WDR33: variants seen among roughly 807,000 people sequenced by gnomAD.
The protein encoded by WDR33 is WD repeat domain 33.
A neutral mutation model predicts 164.9 loss-of-function variants in WDR33; 47 were observed. That is an observed-to-expected ratio of 0.29 (90% CI 0.23 to 0.36). The LOEUF is 0.36. Among genes scored for constraint, WDR33 ranks in the 10% least tolerant of loss-of-function variants. The probability of loss-of-function intolerance (pLI) is 1.00; values close to 1 mark genes in which losing one functional copy is unlikely to be tolerated. For synonymous variants in WDR33, 505 were observed against 589.0 expected (o/e 0.86, Z 2.06); for missense variants, 1,137 against 1,754.1 (o/e 0.65, Z 6.28).
At chr2:127,794,930 G>A (rs13394821) in intron 1 of WDR33, among the ~76,000 whole-genome samples, 3,245 of 151,590 alleles carry the variant, frequency 0.021, 156 homozygotes, top group African/African-American at 0.076. Context: ...AGGCTGAGGC[G>A]GGAGGATCAC....
intron 3 of WDR33, 73 bp downstream of exon 3, chr2:127,768,855 TTGAAG>T: frequency 1.8e-5 from 19 of 1,059,176 alleles, no homozygotes; most frequent in Non-Finnish European, 2.7e-5. Flanking sequence ...CATTTTGGAC[TTGAAG>T]TCACACAGTG....
At position 127,720,182 on chromosome 2, in the gene WDR33, C is replaced by T. The variant is rs1363308139; in HGVS notation, c.1843G>A (p.Ala615Thr). 1.2e-6 allele frequency: 2 copies of T among 1,613,056 alleles called. No individual in the cohort carries two copies. The highest frequency in any genetic ancestry group is 1.1e-5 in the South Asian group (1 of 90,892). Residue 615 changes from alanine to threonine, a missense_variant, in exon 16 of 22, where the codon GCT (alanine) becomes ACT (threonine). Ala to Thr is a moderately conservative substitution (Grantham distance 58). Coordinates refer to ENST00000322313, the MANE Select transcript of WDR33 (RefSeq NM_018383.5). The surrounding 1 kb of genome is among the most constrained non-coding windows in gnomAD (Gnocchi z 5.9). ...TGTGGACCTGGAGGCCCCATTTGAG[C>T]CATGTTCATTGGCATCTGCTGAGAT... Reference protein sequence around the residue: ...HPSQQMPMNMAQMGPPGPQGQ... With the variant: ...HPSQQMPMNMTQMGPPGPQGQ...
chr2:127,765,968 T>A (rs1233818189), intron 4 of WDR33, among the ~76,000 whole-genome samples: 1 of 152,154 alleles, frequency 6.6e-6, no homozygotes, highest in African/African-American at 2.4e-5. Flanking sequence ...GGAATGACTA[T>A]GCCAATAACT....
Position 127,701,562 on chromosome 2 carries a change from C to T in WDR33, c.*4761G>A. The T allele has an allele frequency of 3.7e-6, 5 of 1,368,982 alleles. No homozygotes were observed. The highest frequency in any genetic ancestry group is 2.8e-4 in the Middle Eastern group (1 of 3,610). The allele number at this position is 1,368,982 out of a possible 1,614,324, so 84.8% of individuals were successfully genotyped here. A position where few individuals can be genotyped will look rare whatever the true frequency, so the allele number is the denominator to read the frequency against. ...CCTCCACCGCCAGCTGCAGGAGTAC[C>T]TGGCGCAGGGGAAAGCTGGCGGCCC... On this transcript the variant is annotated 3_prime_UTR_variant, in exon 22 of 22. Transcript: ENST00000322313.
At chr2:127,796,074 A>ATTTT (rs11325131) in intron 1 of WDR33, among the ~76,000 whole-genome samples, 1 of 139,390 alleles carries the variant, frequency 7.2e-6, no homozygotes, top group Non-Finnish European at 1.6e-5. Flanking sequence ...ATTACTGTTA[A>ATTTT]TTTTTTTTTT....
chr2:127,779,169 T>TAAA (rs70985476), intron 1 of WDR33, among the ~76,000 whole-genome samples: 13,072 of 146,274 alleles, frequency 0.089, 699 homozygotes, highest in South Asian at 0.2. Context: ...TTTTAATAAT[T>TAAA]AAAAAAAAAA....
At chr2:127,807,891 G>A (rs1385789742) in intron 1 of WDR33, among the ~76,000 whole-genome samples, 1 of 152,210 alleles carries the variant, frequency 6.6e-6, no homozygotes, top group African/African-American at 2.4e-5. Flanking sequence ...CTTGAGCCTA[G>A]GAATTAGAGG....
In WDR33 at chr2:127,709,388, T is replaced by A; in HGVS notation, c.3565+102A>T. 1 of 1,120,120 alleles carries A rather than the reference T, an allele frequency of 8.9e-7. No homozygotes were observed. Among genetic ancestry groups the A allele is most frequent in the Non-Finnish European group, 1.3e-6 (1 of 749,042 alleles). The allele number at this position is 1,120,120 out of a possible 1,614,324, so 69.4% of individuals were successfully genotyped here. On this transcript the variant is annotated intron_variant, in intron 20 of 21. Transcript: ENST00000322313. This position sits in a 1 kb window ranked among gnomAD's most constrained non-coding sequence, Gnocchi z 5.0. ...AGACAGCCCAGCCCCCCGGGAGACA[T>A]GAGCTGGAAAGAGGAGACCCGGTGC...
In WDR33 at chr2:127,706,055, TAAAAAAA is replaced by T. The variant is rs570651272; in HGVS notation, c.*261_*267del. 1.9e-5 allele frequency: 7 copies of T among 377,066 alleles called. No individual in the cohort carries two copies. The highest frequency in any genetic ancestry group is 3.8e-5 in the East Asian group (1 of 26,184). 23.4% of individuals were successfully genotyped at this position (377,066 alleles called of 1,614,324 possible). A position where few individuals can be genotyped will look rare whatever the true frequency, so the allele number is the denominator to read the frequency against. ...GAGATGCCCCATGTCTTGTGAGACT[TAAAAAAA>T]AGAAAAAGATCCCAGCTTTTATCTT... On this transcript the variant is annotated 3_prime_UTR_variant, in exon 22 of 22. Coordinates refer to ENST00000322313, the MANE Select transcript of WDR33 (RefSeq NM_018383.5). The surrounding 1 kb of genome is among the most constrained non-coding windows in gnomAD (Gnocchi z 5.1).
At chr2:127,792,431 C>T (rs549304710) in intron 1 of WDR33, among the ~76,000 whole-genome samples, 26 of 151,560 alleles carry the variant, frequency 1.7e-4, no homozygotes, top group Non-Finnish European at 3.2e-4. Context: ...GAGGCTGAGG[C>T]GGGCAGATCA....
chr2:127,713,919 C>A lies in WDR33; in HGVS notation c.2972G>T (p.Arg991Leu), dbSNP rs558353802. Residue 991 changes from arginine to leucine, a missense_variant, in exon 18 of 22, where the codon CGG becomes CTG. Physicochemically the swap from Arg to Leu is moderately radical, Grantham distance 102. Around this residue, in one of 9 missense-constraint regions of WDR33, gnomAD observed 867 missense variants for 1,073.0 expected, o/e 0.81. Coordinates refer to ENST00000322313, the MANE Select transcript of WDR33 (RefSeq NM_018383.5). The surrounding 1 kb of genome is among the most constrained non-coding windows in gnomAD (Gnocchi z 6.2). The part of the protein sequence containing the change: ...PEHGPERGPF[R>L]GGQDCRGPPD... ...GGGACCCCTGCAGTCCTGGCCACCC[C>A]GGAAAGGCCCCCTCTCGGGCCCATG... 1 of 1,610,440 alleles carries A rather than the reference C, an allele frequency of 6.2e-7. No homozygotes were observed. The highest frequency in any genetic ancestry group is 8.5e-7 in the Non-Finnish European group (1 of 1,178,000).
rs546174820 is a variant in WDR33, at chr2:127,704,617, TAAAA to T, written c.*1702_*1705del. ...ATTAAATAAGCTGTAATTTCAAAGTTAAAAAAAAAATAGTCTCTAGATTCTAACA... is the reference window on the plus strand; with the variant it reads ...ATTAAATAAGCTGTAATTTCAAAGTTAAAAAATAGTCTCTAGATTCTAACA... On this transcript the variant is annotated 3_prime_UTR_variant, in exon 22 of 22. Coordinates refer to ENST00000322313, the MANE Select transcript of WDR33 (RefSeq NM_018383.5). 2.5e-5 allele frequency: 4 copies of T among 162,552 alleles called. No individual in the cohort carries two copies. The highest frequency in any genetic ancestry group is 4.5e-5 in the Non-Finnish European group (3 of 67,282). The allele number at this position is 162,552 out of a possible 1,614,324, so 10.1% of individuals were successfully genotyped here. A position where few individuals can be genotyped will look rare whatever the true frequency, so the allele number is the denominator to read the frequency against.
chr2:127,779,286 G>A (rs1353178280), intron 1 of WDR33, among the ~76,000 whole-genome samples: 2 of 151,964 alleles, frequency 1.3e-5, no homozygotes, highest in Non-Finnish European at 2.9e-5. Context: ...TGGCTAATAT[G>A]GTGAAACCCC....
rs1469830219 is a variant in WDR33, at chr2:127,735,131, A to C, written c.725-8354T>G. On this transcript the variant is annotated intron_variant, in intron 7 of 21. Transcript: ENST00000322313. This position sits in a 1 kb window ranked among gnomAD's most constrained non-coding sequence, Gnocchi z 4.3. ...GTCCCAGAACCGTAAAGTGTAGTGCAGTGAAGGCTAGAACCAGTAAGGGCA... is the reference window on the plus strand; with the variant it reads ...GTCCCAGAACCGTAAAGTGTAGTGCCGTGAAGGCTAGAACCAGTAAGGGCA... 6.6e-6 allele frequency among the ~76,000 whole-genome samples: 1 copy of C among 152,234 alleles called. No individual in the cohort carries two copies. The highest frequency in any genetic ancestry group is 1.5e-5 in the Non-Finnish European group (1 of 68,038).
rs1688863867 is a variant in WDR33, at chr2:127,792,175, G to A, written c.-24+18837C>T. Among the ~76,000 whole-genome samples the A allele has an allele frequency of 1.3e-5, 2 of 151,432 alleles. 1 individual carries two copies. Among genetic ancestry groups the A allele is most frequent in the South Asian group, 4.2e-4 (2 of 4,802 alleles). ...GCTGGTCTCGAACTCCGGACCTCAG[G>A]TGATCCACCCGCCTCAGCCTCCCAA... On this transcript the variant is annotated intron_variant, in intron 1 of 21. Transcript: ENST00000322313.
chr2:127,702,393 A>C lies in WDR33; in HGVS notation c.*3930T>G. 3.0e-6 allele frequency: 1 copy of C among 335,246 alleles called. No individual in the cohort carries two copies. The highest frequency in any genetic ancestry group is 5.7e-5 in the East Asian group (1 of 17,596). The allele number at this position is 335,246 out of a possible 1,614,324, so 20.8% of individuals were successfully genotyped here. On this transcript the variant is annotated 3_prime_UTR_variant, in exon 22 of 22. Coordinates refer to ENST00000322313, the MANE Select transcript of WDR33 (RefSeq NM_018383.5). ...CAGCTTTTTGTGCTGGACTTGGCAC[A>C]CGCTCTGAAAACTGAGATTTTGTCA... is the stretch of plus-strand genomic sequence containing the variant.
In WDR33 at chr2:127,763,354, T is replaced by C. The variant is rs894496949; in HGVS notation, c.627-195A>G. On this transcript the variant is annotated intron_variant, in intron 6 of 21. Transcript: ENST00000322313. This position sits in a 1 kb window ranked among gnomAD's most constrained non-coding sequence, Gnocchi z 4.5. The stretch of plus-strand genomic sequence containing the variant: ...TCAAAAGAAGACTTCAACAGAGCAG[T>C]TGTTTGAGTTTTCAATCATCAGTAT... 4.8e-5 allele frequency: 67 copies of C among 1,402,636 alleles called. No individual in the cohort carries two copies. Among genetic ancestry groups the C allele is most frequent in the Admixed American group, 1.2e-4 (4 of 33,794 alleles). The allele number at this position is 1,402,636 out of a possible 1,614,324, so 86.9% of individuals were successfully genotyped here.
chr2:127,733,700 C>T (rs1686765883), intron 7 of WDR33, among the ~76,000 whole-genome samples: 2 of 151,634 alleles, frequency 1.3e-5, no homozygotes, highest in South Asian at 4.1e-4. Flanking sequence ...ATACTTCCGT[C>T]GTCACAAAAC....
chr2:127,723,999 C>T lies in WDR33; in HGVS notation c.1196+334G>A, dbSNP rs900186655. ...GGCTGAGGTAGGAGGATCACCTGAG[C>T]CCAGGAAGGTTGAGGCTATAGTGAG... On this transcript the variant is annotated intron_variant, in intron 11 of 21. Transcript: ENST00000322313. This position sits in a 1 kb window ranked among gnomAD's most constrained non-coding sequence, Gnocchi z 5.9. Among the ~76,000 whole-genome samples the T allele has an allele frequency of 2.6e-5, 4 of 152,038 alleles. No individual in the cohort carries two copies. Among genetic ancestry groups the T allele is most frequent in the African/African-American group, 9.7e-5 (4 of 41,392 alleles).
Sources: gnomAD v4.1 joint callset for allele counts (sites outside exome capture counted in the v4.1 genomes callset) on GRCh38, gnomAD v4.1.1 for gene constraint, gnomAD v4.1.1 regional missense constraint, Gnocchi (gnomAD v3.1) non-coding constraint, MANE v1.5 for transcripts, NCBI Gene and HGNC (gene_info 2026-07-23, HGNC 2026-07-21) for gene names.